Variants in TNR observed in about 807,000 individuals in gnomAD.
TNR encodes the protein tenascin-R.
Under a neutral mutation model 150.4 loss-of-function variants are expected in TNR, and 45 were observed. That is an observed-to-expected ratio of 0.30 (90% CI 0.24 to 0.38). The LOEUF is 0.38. Ranked by LOEUF, TNR falls within the 10% of genes least tolerant of loss-of-function variation. The probability of loss-of-function intolerance (pLI) is 1.00; values close to 1 mark genes in which losing one functional copy is unlikely to be tolerated. For synonymous variants in TNR, 687 were observed against 678.4 expected (o/e 1.01, Z -0.20); for missense variants, 1,544 against 1,759.1 (o/e 0.88, Z 2.19).
At chr1:175,359,152 T>TTTTTTTG (rs1651471551) in intron 15 of TNR, among the ~76,000 whole-genome samples, 1 of 124,182 alleles carries the variant, frequency 8.1e-6, no homozygotes, top group Non-Finnish European at 1.7e-5. Flanking sequence ...TTTTTTTTTT[T>TTTTTTTG]TTTTTTTTTT....
At chr1:175,696,226 T>TTTGTTGTTG (rs1268149781) in intron 1 of TNR, among the ~76,000 whole-genome samples, 71 of 136,410 alleles carry the variant, frequency 5.2e-4, no homozygotes, top group African/African-American at 2.1e-3. Flanking sequence ...AGTTTTTTTT[T>TTTGTTGTTG]TTTTTTTTTT....
At position 175,323,236 on chromosome 1, in the gene TNR, C is replaced by A; in HGVS notation, c.*121G>T. ...CCAGCGGATTCCTGCGACATCCCTGCTTCCTTCACATACTCTTAATATGTT... is the reference window on the plus strand; with the variant it reads ...CCAGCGGATTCCTGCGACATCCCTGATTCCTTCACATACTCTTAATATGTT... On this transcript the variant is annotated 3_prime_UTR_variant, in exon 23 of 23. Coordinates refer to ENST00000367674, the MANE Select transcript of TNR (RefSeq NM_003285.3). 1.5e-6 allele frequency: 2 copies of A among 1,316,860 alleles called. No individual in the cohort carries two copies. The highest frequency in any genetic ancestry group is 2.1e-6 in the Non-Finnish European group (2 of 970,728). 81.6% of individuals were successfully genotyped at this position (1,316,860 alleles called of 1,614,324 possible).
At chr1:175,623,565 C>A (rs1359591161) in intron 1 of TNR, among the ~76,000 whole-genome samples, 2 of 152,182 alleles carry the variant, frequency 1.3e-5, no homozygotes, top group Admixed American at 6.5e-5. Context: ...CCGTGGGACA[C>A]CCACACTAAC....
intron 1 of TNR, among the ~76,000 whole-genome samples, chr1:175,722,953 G>A (rs1667358304): frequency 6.6e-6 from 1 of 151,740 alleles, no homozygotes; most frequent in African/African-American, 2.4e-5. Context: ...CACCATGATG[G>A]GTTAATTTTT....
At chr1:175,417,491 G>A (rs1237817717) in intron 2 of TNR, among the ~76,000 whole-genome samples, 1 of 152,208 alleles carries the variant, frequency 6.6e-6, no homozygotes, top group African/African-American at 2.4e-5. Context: ...CACTTGGTGT[G>A]TGCCTGTTAG....
At position 175,376,879 on chromosome 1, in the gene TNR, T is replaced by TATAC. The variant is rs36055169; in HGVS notation, c.1963+2672_1963+2673insGTAT. ...GTAATATTATATATATATATATATA[T>TATAC]ACACATATATTTGAAATGTTTTAAA... On this transcript the variant is annotated intron_variant, in intron 9 of 22. Transcript: ENST00000367674. 5.4e-3 allele frequency among the ~76,000 whole-genome samples: 785 copies of TATAC among 146,492 alleles called. 9 individuals carry two copies. The highest frequency in any genetic ancestry group is 0.017 in the East Asian group (84 of 5,026).
intron 1 of TNR, among the ~76,000 whole-genome samples, chr1:175,712,993 G>C (rs1006412560): frequency 6.6e-6 from 1 of 152,188 alleles, no homozygotes; most frequent in Non-Finnish European, 1.5e-5. Flanking sequence ...ATTGAAGGGT[G>C]GTACCCTTTG....
chr1:175,506,336 G>A (rs1658956336), intron 2 of TNR, among the ~76,000 whole-genome samples: 1 of 152,120 alleles, frequency 6.6e-6, no homozygotes, highest in East Asian at 1.9e-4. Flanking sequence ...CACTTTTGTG[G>A]GTTATATTCT....
Position 175,451,846 on chromosome 1 carries a change from T to C in TNR, c.-63-45069A>G, listed in dbSNP as rs563959033. Among the ~76,000 whole-genome samples the C allele has an allele frequency of 2.0e-5, 3 of 152,332 alleles. No individual in the cohort carries two copies. The East Asian group carries it at 5.8e-4, about 29-fold the overall frequency. Reference sequence around the variant, plus strand: ...ATGCGTTCTCTCCTTATATGTTATATGGTTCAGTGACTTGGCTGTACTTCT... The same window carrying C: ...ATGCGTTCTCTCCTTATATGTTATACGGTTCAGTGACTTGGCTGTACTTCT... On this transcript the variant is annotated intron_variant, in intron 2 of 22. Coordinates refer to ENST00000367674, the MANE Select transcript of TNR (RefSeq NM_003285.3).
intron 1 of TNR, among the ~76,000 whole-genome samples, chr1:175,739,781 C>G (rs1027970441): frequency 3.3e-5 from 5 of 152,170 alleles, no homozygotes; most frequent in African/African-American, 1.2e-4. Flanking sequence ...ATGGTATAAG[C>G]TCTATCACAA....
At chr1:175,372,339 A>G (rs1427706537) in intron 9 of TNR, among the ~76,000 whole-genome samples, 1 of 152,256 alleles carries the variant, frequency 6.6e-6, no homozygotes, top group Non-Finnish European at 1.5e-5. Context: ...AACTAAGAGG[A>G]CAAGATCAGC....
At chr1:175,360,674 C>T (rs1235218502) in intron 14 of TNR, among the ~76,000 whole-genome samples, 1 of 152,244 alleles carries the variant, frequency 6.6e-6, no homozygotes, top group African/African-American at 2.4e-5. Flanking sequence ...TTTCACTTGC[C>T]TATGTCCTTT....
At chr1:175,347,070 G>T (rs1215222010) in intron 18 of TNR, among the ~76,000 whole-genome samples, 1 of 151,982 alleles carries the variant, frequency 6.6e-6, no homozygotes, top group Non-Finnish European at 1.5e-5. Context: ...AAGTCTAAAC[G>T]GATGGTAGCT....
chr1:175,456,532 GT>G, intron 2 of TNR, among the ~76,000 whole-genome samples: 2 of 152,342 alleles, frequency 1.3e-5, no homozygotes, highest in East Asian at 3.9e-4. Flanking sequence ...AATCTCCTAA[GT>G]AAAAGTAGTT....
intron 1 of TNR, among the ~76,000 whole-genome samples, chr1:175,619,852 AGAG>A (rs1252483382): frequency 5.9e-5 from 9 of 152,366 alleles, no homozygotes; most frequent in African/African-American, 2.2e-4. Context: ...GTGCAAACAC[AGAG>A]GTTGTGTGTT....
chr1:175,449,558 A>G (rs1416073092), intron 2 of TNR, among the ~76,000 whole-genome samples: 1 of 152,186 alleles, frequency 6.6e-6, no homozygotes, highest in African/African-American at 2.4e-5. Context: ...AATAGTCCTG[A>G]AGACTAGATA....
At chr1:175,410,720 G>A (rs139217493) in intron 2 of TNR, among the ~76,000 whole-genome samples, 319 of 152,306 alleles carry the variant, frequency 2.1e-3, no homozygotes, top group Non-Finnish European at 3.4e-3. Flanking sequence ...AGACACCCTA[G>A]AGCTTTCTCT....
intron 1 of TNR, among the ~76,000 whole-genome samples, chr1:175,727,129 G>T (rs184058937): frequency 6.6e-6 from 1 of 152,322 alleles, no homozygotes; most frequent in African/African-American, 2.4e-5. Flanking sequence ...CTACGACCTT[G>T]CTGGTTGACC....
chr1:175,674,020 G>T (rs1221065475), intron 1 of TNR, among the ~76,000 whole-genome samples: 8 of 152,190 alleles, frequency 5.3e-5, no homozygotes, highest in African/African-American at 1.7e-4. Context: ...GAATAATAGT[G>T]CTGTGTGCCT....
Sources: allele counts gnomAD v4.1 joint callset (sites outside exome capture counted in the v4.1 genomes callset), GRCh38; gene constraint gnomAD v4.1.1; transcripts MANE v1.5; gene names NCBI Gene and HGNC (gene_info 2026-07-23, HGNC 2026-07-21).